PCDH9: variants seen among roughly 807,000 people sequenced by gnomAD.
PCDH9 encodes protocadherin 9.
In PCDH9, 24 loss-of-function variants were observed where a neutral mutation model predicts 70.6. The ratio of observed to expected loss-of-function variants is 0.34; its 90% CI spans 0.25 to 0.48. PCDH9 has a LOEUF of 0.48. PCDH9 is among the 20% of genes least tolerant of loss of function. PCDH9 has a pLI of 0.99. For synonymous variants in PCDH9, 562 were observed against 558.5 expected (o/e 1.01, Z -0.09); for missense variants, 1,281 against 1,503.6 (o/e 0.85, Z 2.45).
At chr13:66,426,198 C>A in intron 4 of PCDH9, among the ~76,000 whole-genome samples, 1 of 150,918 alleles carries the variant, frequency 6.6e-6, no homozygotes, top group East Asian at 1.9e-4. Context: ...CTTTTTCTCT[C>A]TATTGAACTC....
At chr13:66,843,032 G>A (rs1230220955) in intron 3 of PCDH9, among the ~76,000 whole-genome samples, 1 of 152,202 alleles carries the variant, frequency 6.6e-6, no homozygotes, top group Non-Finnish European at 1.5e-5. Context: ...CTTGATCTAT[G>A]TTAAGCTGAC....
intron 2 of PCDH9, among the ~76,000 whole-genome samples, chr13:67,150,798 T>A (rs2087638073): frequency 6.6e-6 from 1 of 152,206 alleles, no homozygotes; most frequent in Admixed American, 6.5e-5. Flanking sequence ...TTCCCTAATC[T>A]AATAGAACTC....
At chr13:67,188,404 A>G (rs1423050535) in intron 2 of PCDH9, among the ~76,000 whole-genome samples, 4 of 152,122 alleles carry the variant, frequency 2.6e-5, no homozygotes, top group African/African-American at 9.7e-5. Flanking sequence ...TATCTTGACA[A>G]TGCTTTTATT....
intron 4 of PCDH9, among the ~76,000 whole-genome samples, chr13:66,623,529 C>A (rs1284520623): frequency 6.6e-6 from 1 of 152,124 alleles, no homozygotes; most frequent in Admixed American, 6.6e-5. Flanking sequence ...AGCTCAAACT[C>A]CAAGGCTCAG....
chr13:66,667,579 T>C (rs1198240093), intron 3 of PCDH9, among the ~76,000 whole-genome samples: 1 of 152,164 alleles, frequency 6.6e-6, no homozygotes, highest in East Asian at 1.9e-4. Context: ...AAATTTATCG[T>C]GTTTTATTAC....
chr13:66,820,676 G>T (rs1408559376), intron 3 of PCDH9, among the ~76,000 whole-genome samples: 1 of 152,142 alleles, frequency 6.6e-6, no homozygotes, highest in Non-Finnish European at 1.5e-5. Flanking sequence ...CCATAAAAAA[G>T]AATGGGATCA....
chr13:66,700,706 C>T (rs1277253218), intron 3 of PCDH9, among the ~76,000 whole-genome samples: 2 of 151,832 alleles, frequency 1.3e-5, no homozygotes, highest in African/African-American at 2.4e-5. Context: ...ATTTGTTCTG[C>T]CTGACCTGCT....
chr13:66,698,895 CTTT>C (rs67333897), intron 3 of PCDH9, among the ~76,000 whole-genome samples: 11 of 61,144 alleles, frequency 1.8e-4, no homozygotes, highest in East Asian at 6.0e-4. Flanking sequence ...CTCAATTCCT[CTTT>C]TTTTTTTTTT....
intron 2 of PCDH9, among the ~76,000 whole-genome samples, chr13:66,995,915 TAC>T (rs1263139708): frequency 1.3e-5 from 2 of 152,224 alleles, no homozygotes; most frequent in African/African-American, 4.8e-5. Flanking sequence ...TGAAAAATGA[TAC>T]AGATTATTTT....
chr13:66,542,821 C>T (rs1315927302), intron 4 of PCDH9, among the ~76,000 whole-genome samples: 3 of 147,564 alleles, frequency 2.0e-5, no homozygotes, highest in Non-Finnish European at 3.0e-5. Flanking sequence ...ATATCTATCT[C>T]CCATTGGTTC....
intron 4 of PCDH9, among the ~76,000 whole-genome samples, chr13:66,516,841 C>G (rs755353907): frequency 5.9e-5 from 9 of 152,010 alleles, no homozygotes; most frequent in African/African-American, 2.2e-4. Context: ...CCTTTAGAAC[C>G]TATCTCAATT....
chr13:67,218,940 A>G (rs541985526), intron 2 of PCDH9: 1 of 152,180 alleles, frequency 6.6e-6, no homozygotes, highest in East Asian at 1.9e-4. Flanking sequence ...TAAAAGATCA[A>G]GGGAAAATAT....
At chr13:67,128,432 A>G (rs2087030948) in intron 2 of PCDH9, among the ~76,000 whole-genome samples, 2 of 152,228 alleles carry the variant, frequency 1.3e-5, no homozygotes, top group African/African-American at 4.8e-5. Flanking sequence ...AGTTATTGAA[A>G]TGTGACTGAC....
chr13:66,873,781 C>T (rs2081742087), intron 3 of PCDH9, among the ~76,000 whole-genome samples: 1 of 152,040 alleles, frequency 6.6e-6, no homozygotes. Flanking sequence ...AGTGTTCCTC[C>T]TTTGCACACA....
intron 2 of PCDH9, among the ~76,000 whole-genome samples, chr13:67,041,830 CAAAA>C (rs61557179): frequency 4.6e-5 from 5 of 109,840 alleles, no homozygotes; most frequent in Admixed American, 9.2e-5. Flanking sequence ...GACTCTGTCT[CAAAA>C]AAAAAAAAAA....
intron 4 of PCDH9, among the ~76,000 whole-genome samples, chr13:66,369,082 T>C (rs192148496): frequency 6.6e-6 from 1 of 152,052 alleles, no homozygotes; most frequent in African/African-American, 2.4e-5. Context: ...TTCAAAGAGA[T>C]TTTTCTTTGG....
chr13:66,703,491 T>A (rs1324636453), intron 3 of PCDH9, among the ~76,000 whole-genome samples: 1 of 152,232 alleles, frequency 6.6e-6, no homozygotes, highest in East Asian at 1.9e-4. Context: ...TATTCAATTA[T>A]TCTCTTTGTG....
chr13:66,911,390 C>G (rs577884711), intron 2 of PCDH9, among the ~76,000 whole-genome samples: 24 of 152,282 alleles, frequency 1.6e-4, no homozygotes, highest in African/African-American at 4.8e-4. Context: ...ACCTCTCTAA[C>G]TTAATAGAGA....
At chr13:66,723,371 A>T (rs2139157841) in intron 3 of PCDH9, among the ~76,000 whole-genome samples, 1 of 152,314 alleles carries the variant, frequency 6.6e-6, no homozygotes, top group African/African-American at 2.4e-5. Flanking sequence ...AATTGTTTGT[A>T]ATTTAAATTT....
Sources: allele counts gnomAD v4.1 joint callset (sites outside exome capture counted in the v4.1 genomes callset), GRCh38; gene constraint gnomAD v4.1.1; transcripts MANE v1.5; gene names NCBI Gene and HGNC (gene_info 2026-07-23, HGNC 2026-07-21).